The following TPR variants were observed in gnomAD, a reference collection of about 807,000 sequenced individuals.
TPR encodes the protein nucleoprotein TPR.
A neutral mutation model predicts 316.1 loss-of-function variants in TPR; 51 were observed. The ratio of observed to expected loss-of-function variants is 0.16; its 90% confidence interval spans 0.13 to 0.20. TPR has a LOEUF of 0.20. Among genes scored for constraint, TPR ranks in the 10% least tolerant of loss-of-function variants. The probability of loss-of-function intolerance (pLI) is 1.00; values close to 1 mark genes in which losing one functional copy is unlikely to be tolerated. For missense variants in TPR, 2,272 were observed against 2,754.8 expected, an observed-to-expected ratio of 0.82 and a Z score of 3.92; for synonymous variants, 981 against 914.7, an observed-to-expected ratio of 1.07 and a Z score of -1.31.
intron 45 of TPR, among the ~76,000 whole-genome samples, 160 bp downstream of exon 45, chr1:186,322,157 TC>T (rs1221432429): frequency 6.6e-6 from 1 of 152,166 alleles, no homozygotes; most frequent in Non-Finnish European, 1.5e-5. Flanking sequence ...TGTATAATTT[TC>T]CCCAACAATA....
At chr1:186,349,786 G>C (rs1402924804) in intron 21 of TPR, among the ~76,000 whole-genome samples, 2 of 152,114 alleles carry the variant, frequency 1.3e-5, no homozygotes. Flanking sequence ...TCTTTTACCT[G>C]AGGCTACCAA....
intron 4 of TPR, among the ~76,000 whole-genome samples, chr1:186,367,547 T>C (rs1176708062): frequency 1.3e-5 from 2 of 152,246 alleles, no homozygotes; most frequent in Non-Finnish European, 2.9e-5. Context: ...AGGATGTCCA[T>C]ATGAAATAAA....
intron 4 of TPR, among the ~76,000 whole-genome samples, chr1:186,364,659 GT>G (rs1417944139): frequency 6.6e-6 from 1 of 152,112 alleles, no homozygotes; most frequent in Non-Finnish European, 1.5e-5. Flanking sequence ...TTTTAGAAAG[GT>G]TTGACTTATA....
chr1:186,324,758 G>T (rs957367643), intron 42 of TPR, among the ~76,000 whole-genome samples: 1 of 151,206 alleles, frequency 6.6e-6, no homozygotes, highest in African/African-American at 2.4e-5. Context: ...AGGGCACTAG[G>T]CCTATTTTTG....
intron 39 of TPR, among the ~76,000 whole-genome samples, chr1:186,330,503 C>T (rs1395974661): frequency 6.6e-6 from 1 of 152,072 alleles, no homozygotes. Flanking sequence ...CATGCTAAAA[C>T]GCTGCCCCAA....
intron 22 of TPR, among the ~76,000 whole-genome samples, chr1:186,346,889 G>A (rs1262091687): frequency 6.6e-6 from 1 of 152,070 alleles, no homozygotes; most frequent in Non-Finnish European, 1.5e-5. Flanking sequence ...TTTACAAATT[G>A]TCATCTTCTG....
chr1:186,327,300 A>AATATATATAAATATATAT lies in TPR; in HGVS notation c.5889+159_5889+160insATATATATTTATATATAT, dbSNP rs1183689435. Reference sequence around the variant, plus strand: ...TATATATAATATATATAAATATATAATATATAATATATTAAATATATAATA... The same window carrying AATATATATAAATATATAT: ...TATATATAATATATATAAATATATAAATATATATAAATATATATTATATAATATATTAAATATATAATA... On this transcript the variant is annotated intron_variant, in intron 40 of 50. Coordinates refer to ENST00000367478, the MANE Select transcript of TPR (RefSeq NM_003292.3). Among the ~76,000 whole-genome samples the AATATATATAAATATATAT allele has an allele frequency of 1.9e-4, 17 of 89,912 alleles. 1 individual carries two copies. Among genetic ancestry groups the AATATATATAAATATATAT allele is most frequent in the Admixed American group, 4.1e-4 (2 of 4,854 alleles). The allele number at this position is 89,912 out of a possible 152,430, so 59.0% of individuals were successfully genotyped here.
intron 15 of TPR, 124 bp downstream of exon 15, chr1:186,356,162 C>T (rs1421678420): frequency 1.3e-6 from 1 of 796,370 alleles, no homozygotes; most frequent in Non-Finnish European, 1.9e-6. Flanking sequence ...ATGTTATAAG[C>T]AATTATATAT....
chr1:186,340,937 C>A, intron 29 of TPR, 91 bp downstream of exon 29: 1 of 1,469,128 alleles, frequency 6.8e-7, no homozygotes. Context: ...GTAATTTTCA[C>A]TAGTTCCTCA....
In TPR at chr1:186,353,823, T is replaced by C; in HGVS notation, c.2199A>G (p.Glu733=). Residue 733 remains glutamate (E), a synonymous_variant, in exon 18 of 51, where the codon GAA becomes GAG. Transcript: ENST00000367478. ...KRYEMLQDNV[E]GYRREITSLH... ...GTGATGTTATTTCTCGACGATATCC[T>C]TCAACATTATCTTGCAGCATTTCAT... is the stretch of plus-strand genomic sequence containing the variant. 1 of 1,613,754 alleles carries C rather than the reference T, an allele frequency of 6.2e-7. No homozygotes were observed. The highest frequency in any genetic ancestry group is 8.5e-7 in the Non-Finnish European group (1 of 1,179,940).
In TPR at chr1:186,312,851, C is replaced by T. The variant is rs775987208; in HGVS notation, c.*1120G>A. The T allele has an allele frequency of 2.5e-6, 4 of 1,612,536 alleles. No individual in the cohort carries two copies. The Admixed American group carries it at 5.0e-5, about 20-fold the overall frequency. ...TTACCTCAGCTATATCACTGCCCAACATCAGAAAACCTGACGGCTATGATT... is the reference window on the plus strand; with the variant it reads ...TTACCTCAGCTATATCACTGCCCAATATCAGAAAACCTGACGGCTATGATT... On this transcript the variant is annotated 3_prime_UTR_variant, in exon 51 of 51. Transcript: ENST00000367478.
In TPR at chr1:186,345,666, C is replaced by G; in HGVS notation, c.3127G>C (p.Val1043Leu). ...LSELKKTLSSVQNEVQEALQR... is the reference protein window; with the variant it reads ...LSELKKTLSSLQNEVQEALQR... ...AGAGCTTCTTGTACTTCATTCTGAA[C>G]ACTAGAAAGTGTTTTCTTCAATTCA... The change falls in exon 24 of 51, where the codon GTT becomes CTT. Residue 1043 changes from valine to leucine, a missense_variant. Val to Leu is a conservative substitution (Grantham distance 32). Coordinates refer to ENST00000367478, the MANE Select transcript of TPR (RefSeq NM_003292.3). 6.2e-7 allele frequency: 1 copy of G among 1,612,954 alleles called. No individual in the cohort carries two copies. Among genetic ancestry groups the G allele is most frequent in the Non-Finnish European group, 8.5e-7 (1 of 1,179,544 alleles).
In TPR at chr1:186,311,793, A is replaced by G. The variant is rs138874159; in HGVS notation, c.*2178T>C. ...TTCATTTCTTCACAGGCAAGTCACA[A>G]TTCATTTGAGTTTTCAGGTCACTGA... is the stretch of plus-strand genomic sequence containing the variant. On this transcript the variant is annotated 3_prime_UTR_variant, in exon 51 of 51. Transcript: ENST00000367478. 1.8e-3 allele frequency: 1,191 copies of G among 645,730 alleles called. 13 individuals carry two copies. The African/African-American group carries it at 0.02, about 11-fold the overall frequency. The allele number at this position is 645,730 out of a possible 1,614,324, so 40.0% of individuals were successfully genotyped here.
At chr1:186,355,802 T>C in intron 15 of TPR, 34 bp from the exon 16 acceptor site, 1 of 1,606,534 alleles carries the variant, frequency 6.2e-7, no homozygotes, top group Non-Finnish European at 8.5e-7. Context: ...AAATGCTTTG[T>C]TGGCTTTCAT....
At chr1:186,370,785 T>C (rs1659499561) in intron 3 of TPR, among the ~76,000 whole-genome samples, 185 bp downstream of exon 3, 1 of 152,118 alleles carries the variant, frequency 6.6e-6, no homozygotes, top group Non-Finnish European at 1.5e-5. Context: ...AAAAGAGATG[T>C]CCAATCTATC....
intron 32 of TPR, 144 bp downstream of exon 32, chr1:186,336,869 T>C (rs535101998): frequency 1.5e-6 from 2 of 1,341,954 alleles, no homozygotes; most frequent in African/African-American, 2.9e-5. Context: ...GATTGGGTAC[T>C]ACTTACATAC....
chr1:186,326,062 TC>T (rs1242296583), intron 41 of TPR, 41 bp downstream of exon 41: 2 of 1,611,336 alleles, frequency 1.2e-6, no homozygotes, highest in African/African-American at 1.3e-5. Flanking sequence ...GAAAGAAAGC[TC>T]ATAGAAAGAA....
chr1:186,325,721 TA>T, intron 42 of TPR, 42 bp downstream of exon 42: 1 of 1,501,892 alleles, frequency 6.7e-7, no homozygotes, highest in East Asian at 2.3e-5. Context: ...GTTTAGAAAA[TA>T]CCAGAGATAT....
intron 36 of TPR, among the ~76,000 whole-genome samples, chr1:186,333,937 A>AT: frequency 6.6e-6 from 1 of 152,282 alleles, no homozygotes; most frequent in East Asian, 1.9e-4. Flanking sequence ...AGAAGCTGAG[A>AT]TTTTTGCCCT....
Sources: allele counts gnomAD v4.1 joint callset (sites outside exome capture counted in the v4.1 genomes callset), GRCh38; gene constraint gnomAD v4.1.1; transcripts MANE v1.5; gene names NCBI Gene and HGNC (gene_info 2026-07-23, HGNC 2026-07-21).